The following STX18 variants were observed in gnomAD, a reference collection of about 807,000 sequenced individuals.
STX18 encodes the protein syntaxin-18.
A neutral mutation model predicts 50.1 loss-of-function variants in STX18; 40 were observed. The observed-to-expected ratio is 0.80, with a 90% CI of 0.62 to 1.04. The LOEUF (loss-of-function observed/expected upper bound fraction) is 1.04, where lower values mean the gene tolerates loss of function less well. STX18 is among the 50% of genes least tolerant of loss of function. The pLI is 0.00. For missense variants in STX18, 410 were observed against 415.8 expected (o/e 0.99, Z 0.12); for synonymous variants, 158 against 151.8 (o/e 1.04, Z -0.30).
rs1389171905 is a variant in STX18 at position 4,510,824 on chromosome 4, T to TA, written c.168+30972dup. On this transcript the variant is annotated intron_variant, in intron 1 of 10. Transcript: ENST00000306200. ...TACACCGTGGAATACTATGCAACCA[T>TA]AAAAAAGAATGAGATCACGTCCTTT... Among the ~76,000 whole-genome samples, 7 of 152,150 alleles carry TA rather than the reference T, an allele frequency of 4.6e-5. No individual in the cohort carries two copies. The East Asian group carries it at 1.4e-3, about 29-fold the overall frequency.
chr4:4,484,052 T>C (rs149070969), intron 1 of STX18, among the ~76,000 whole-genome samples: 8,890 of 152,066 alleles, frequency 0.058, 431 homozygotes, highest in African/African-American at 0.13. Flanking sequence ...TTAGTAGAGA[T>C]GGGGTTTCAC....
At chr4:4,505,931 T>C (rs918495102) in intron 1 of STX18, among the ~76,000 whole-genome samples, 12 of 152,354 alleles carry the variant, frequency 7.9e-5, no homozygotes, top group Middle Eastern at 3.4e-3. Context: ...TAAGTGGCCC[T>C]TTGTGCCTGT....
rs549737640 is a variant in STX18, at chr4:4,483,406, T to C, written c.169-11700A>G. Among the ~76,000 whole-genome samples, 345 of 152,248 alleles carry C rather than the reference T, an allele frequency of 2.3e-3. 2 individuals are homozygous for C. Among genetic ancestry groups the C allele is most frequent in the Non-Finnish European group, 2.7e-3 (187 of 68,004 alleles). ...AAGACTTCTAGGACTCTTACACCCA[T>C]AGAAAAAAACAAATGTTTATTATGC... is the stretch of plus-strand genomic sequence containing the variant. On this transcript the variant is annotated intron_variant, in intron 1 of 10. Coordinates refer to ENST00000306200, the MANE Select transcript of STX18 (RefSeq NM_016930.4).
chr4:4,498,804 GAGAA>G (rs1230750065), intron 1 of STX18, among the ~76,000 whole-genome samples: 1 of 152,176 alleles, frequency 6.6e-6, no homozygotes, highest in Non-Finnish European at 1.5e-5. Context: ...TAAAAAGAGA[GAGAA>G]AGATGTGGAC....
chr4:4,506,065 G>A (rs1464137422), intron 1 of STX18, among the ~76,000 whole-genome samples: 6 of 152,132 alleles, frequency 3.9e-5, no homozygotes, highest in Non-Finnish European at 4.4e-5. Flanking sequence ...CCATTCATCA[G>A]TTGATGAATA....
intron 5 of STX18, among the ~76,000 whole-genome samples, chr4:4,445,878 C>T (rs1726375442): frequency 6.6e-6 from 1 of 152,030 alleles, no homozygotes; most frequent in Admixed American, 6.6e-5. Flanking sequence ...ATAGCAAAAA[C>T]AATACTGAAA....
At chr4:4,468,683 G>A (rs942477403) in intron 2 of STX18, among the ~76,000 whole-genome samples, 3 of 152,142 alleles carry the variant, frequency 2.0e-5, no homozygotes, top group Admixed American at 6.5e-5. Flanking sequence ...GCTACAAGGA[G>A]TGAAAAACCA....
chr4:4,530,564 T>C (rs560157710), intron 1 of STX18, among the ~76,000 whole-genome samples: 3 of 152,218 alleles, frequency 2.0e-5, no homozygotes, highest in African/African-American at 7.2e-5. Context: ...GCTGCTGCTG[T>C]TCTGTGAACA....
At chr4:4,525,775 C>T (rs1420940141) in intron 1 of STX18, among the ~76,000 whole-genome samples, 1 of 152,060 alleles carries the variant, frequency 6.6e-6, no homozygotes, top group Admixed American at 6.6e-5. Flanking sequence ...AATGTTATTA[C>T]TAGATAAAAA....
At chr4:4,519,556 T>C (rs1160075389) in intron 1 of STX18, among the ~76,000 whole-genome samples, 1 of 152,122 alleles carries the variant, frequency 6.6e-6, no homozygotes, top group Non-Finnish European at 1.5e-5. Flanking sequence ...GCTGCGAAAA[T>C]AAGCATGTAT....
Position 4,459,507 on chromosome 4 carries a change from G to C in STX18, c.237-20C>G. 2 of 1,559,386 alleles carry C rather than the reference G, an allele frequency of 1.3e-6. No homozygotes were observed. Among genetic ancestry groups the C allele is most frequent in the Non-Finnish European group, 1.8e-6 (2 of 1,130,144 alleles). On this transcript the variant is annotated intron_variant, in intron 2 of 10. Transcript: ENST00000306200. ...GTATGGCTAAAAAAAGACAGCAAAG[G>C]AAAGGGCAGCAGCAAATGAGAACAT...
At chr4:4,517,545 T>C (rs974891532) in intron 1 of STX18, among the ~76,000 whole-genome samples, 5 of 152,204 alleles carry the variant, frequency 3.3e-5, no homozygotes, top group African/African-American at 1.2e-4. Context: ...TTTACAACCA[T>C]GTTCAAGAAA....
At position 4,419,979 on chromosome 4, in the gene STX18, C is replaced by A. The variant is rs1309262482; in HGVS notation, c.*55G>T. On this transcript the variant is annotated 3_prime_UTR_variant, in exon 11 of 11. Transcript: ENST00000306200. ...CTCCAGCACTGGAAGTACATGAAAG[C>A]ACGCAGTCTGTGAGTGCCCATGAGG... The A allele has an allele frequency of 6.9e-7, 1 of 1,445,028 alleles. No homozygotes were observed. Among genetic ancestry groups the A allele is most frequent in the East Asian group, 2.4e-5 (1 of 41,324 alleles). The allele number at this position is 1,445,028 out of a possible 1,614,324, so 89.5% of individuals were successfully genotyped here.
intron 1 of STX18, among the ~76,000 whole-genome samples, chr4:4,496,460 T>A (rs532295643): frequency 6.6e-6 from 1 of 152,230 alleles, no homozygotes; most frequent in African/African-American, 2.4e-5. Context: ...ATTCACCCCC[T>A]TTCGCTCACC....
intron 1 of STX18, among the ~76,000 whole-genome samples, chr4:4,521,304 G>A (rs1364395081): frequency 6.6e-6 from 1 of 152,108 alleles, no homozygotes; most frequent in Non-Finnish European, 1.5e-5. Flanking sequence ...CTTTACAATT[G>A]ACCACACAAA....
At chr4:4,479,536 C>G (rs947113567) in intron 1 of STX18, among the ~76,000 whole-genome samples, 3 of 152,218 alleles carry the variant, frequency 2.0e-5, no homozygotes, top group African/African-American at 7.2e-5. Flanking sequence ...CAGCCAGGCT[C>G]TGGCTCCTTC....
chr4:4,425,233 A>G lies in STX18; in HGVS notation c.703-11T>C. ...ATTTTCCTGTTCAAACTGTGAGGAA[A>G]CAGACACACTCAGGATGACATCATA... On this transcript the variant is annotated splice_polypyrimidine_tract_variant and intron_variant, in intron 7 of 10. Transcript: ENST00000306200. 1 of 1,613,192 alleles carries G rather than the reference A, an allele frequency of 6.2e-7. No individual in the cohort carries two copies. The highest frequency in any genetic ancestry group is 8.5e-7 in the Non-Finnish European group (1 of 1,179,114).
At chr4:4,502,840 C>T (rs571685519) in intron 1 of STX18, among the ~76,000 whole-genome samples, 2 of 152,296 alleles carry the variant, frequency 1.3e-5, no homozygotes, top group South Asian at 2.1e-4. Flanking sequence ...CACACTTCAT[C>T]GGCTCTACTT....
intron 1 of STX18, among the ~76,000 whole-genome samples, chr4:4,536,910 A>G (rs1731364912): frequency 6.6e-6 from 1 of 152,218 alleles, no homozygotes; most frequent in Non-Finnish European, 1.5e-5. Flanking sequence ...TTATTCTACA[A>G]GAAATCTCTG....
Sources: allele counts gnomAD v4.1 joint callset (sites outside exome capture counted in the v4.1 genomes callset), GRCh38; gene constraint gnomAD v4.1.1; transcripts MANE v1.5; gene names NCBI Gene and HGNC (gene_info 2026-07-23, HGNC 2026-07-21).